The following CACNA1C variants were observed in gnomAD, a reference collection of about 807,000 sequenced individuals.
CACNA1C encodes the protein calcium voltage-gated channel subunit alpha1 C.
CACNA1C carries 30 observed loss-of-function variants against 229.0 expected under a neutral mutation model. The observed-to-expected ratio is 0.13, with a 90% CI of 0.10 to 0.18. CACNA1C has a LOEUF of 0.18. CACNA1C is among the 10% of genes least tolerant of loss of function. The probability of loss-of-function intolerance (pLI) is 1.00; values close to 1 mark genes in which losing one functional copy is unlikely to be tolerated. For synonymous variants in CACNA1C, 1,114 were observed against 1,132.5 expected (o/e 0.98, Z 0.33); for missense variants, 1,658 against 2,845.0 (o/e 0.58, Z 9.49).
chr12:2,091,478 A>C (rs1027848987), intron 1 of CACNA1C, among the ~76,000 whole-genome samples: 1 of 152,200 alleles, frequency 6.6e-6, no homozygotes. Flanking sequence ...TACCTTTTCC[A>C]GCTCTAGAGA....
At chr12:2,143,134 C>G (rs1358845310) in intron 3 of CACNA1C, among the ~76,000 whole-genome samples, 1 of 151,008 alleles carries the variant, frequency 6.6e-6, no homozygotes, top group Non-Finnish European at 1.5e-5. Context: ...TGCCACCATG[C>G]CCGGCTAAGT....
At chr12:2,306,479 T>G (rs2095035382) in intron 3 of CACNA1C, among the ~76,000 whole-genome samples, 1 of 152,230 alleles carries the variant, frequency 6.6e-6, no homozygotes, top group Admixed American at 6.5e-5. Context: ...AGTCATAAAG[T>G]TAAGTCCTTG....
At chr12:2,196,702 G>A (rs1253717695) in intron 3 of CACNA1C, among the ~76,000 whole-genome samples, 1 of 152,236 alleles carries the variant, frequency 6.6e-6, no homozygotes, top group African/African-American at 2.4e-5. Context: ...ACACTGAAGC[G>A]TAAAAGACGG....
rs769337878 is a variant in CACNA1C at position 2,581,819 on chromosome 12, G to T, written c.2103+22G>T. 4.7e-6 allele frequency: 7 copies of T among 1,484,850 alleles called. No homozygotes were observed. The Admixed American group carries it at 1.2e-4, about 25-fold the overall frequency. 92.0% of individuals were successfully genotyped at this position (1,484,850 alleles called of 1,614,324 possible). A position where few individuals can be genotyped will look rare whatever the true frequency, so the allele number is the denominator to read the frequency against. On this transcript the variant is annotated intron_variant, in intron 14 of 46. Transcript: ENST00000399655. ...TCAGGTATGGACTCTTCTCTGCTGG[G>T]ATTCGGACTCGGGGTGGTTGAGTGG... is the stretch of plus-strand genomic sequence containing the variant.
At chr12:2,001,092 A>G (rs2042102781) in intron 1 of CACNA1C, among the ~76,000 whole-genome samples, 1 of 152,156 alleles carries the variant, frequency 6.6e-6, no homozygotes, top group Non-Finnish European at 1.5e-5. Context: ...TCTTTTGATG[A>G]AAAAACGTCA....
intron 3 of CACNA1C, among the ~76,000 whole-genome samples, chr12:2,202,358 C>A (rs948346014): frequency 6.6e-6 from 1 of 152,192 alleles, no homozygotes; most frequent in Non-Finnish European, 1.5e-5. Context: ...GAAGCCTGGT[C>A]CCCGTTTGCC....
At chr12:2,206,444 T>G (rs948693186) in intron 3 of CACNA1C, among the ~76,000 whole-genome samples, 1 of 152,216 alleles carries the variant, frequency 6.6e-6, no homozygotes, top group Non-Finnish European at 1.5e-5. Context: ...CATTTGATTC[T>G]AGATTTCACC....
rs541973813 is a variant in CACNA1C at position 2,654,206 on chromosome 12, G to A, written c.4140+306G>A. Among the ~76,000 whole-genome samples, 12 of 152,288 alleles carry A rather than the reference G, an allele frequency of 7.9e-5. No individual in the cohort carries two copies. The highest frequency in any genetic ancestry group is 2.0e-4 in the Admixed American group (3 of 15,306). ...ACTCTCCAGTTATGCAAGGGGCCTCGGGACAGACACAGCCCCTTCTCAAGA... is the reference window on the plus strand; with the variant it reads ...ACTCTCCAGTTATGCAAGGGGCCTCAGGACAGACACAGCCCCTTCTCAAGA... On this transcript the variant is annotated intron_variant, in intron 33 of 46. Transcript: ENST00000399655. The surrounding 1 kb of genome is among the most constrained non-coding windows in gnomAD (Gnocchi z 4.4).
chr12:2,550,160 A>G lies in CACNA1C; in HGVS notation c.1481+127A>G, dbSNP rs552469827. The G allele has an allele frequency of 3.6e-5, 27 of 742,776 alleles. No individual in the cohort carries two copies. In the African/African-American group the frequency reaches 4.5e-4, roughly 12 times the overall value. The allele number at this position is 742,776 out of a possible 1,614,324, so 46.0% of individuals were successfully genotyped here. On this transcript the variant is annotated intron_variant, in intron 10 of 46. Transcript: ENST00000399655. ...GCAGAGATTAGAGCCGGTGGCAAGA[A>G]ACAAACCTCAGGTGGGAACCAAGAT... is the stretch of plus-strand genomic sequence containing the variant.
chr12:1,986,673 T>TTC (rs917568851), intron 1 of CACNA1C, among the ~76,000 whole-genome samples: 36 of 150,878 alleles, frequency 2.4e-4, no homozygotes, highest in African/African-American at 8.8e-4. Context: ...TGTTATTTTT[T>TTC]TTTTCCTAGC....
intron 3 of CACNA1C, among the ~76,000 whole-genome samples, chr12:2,371,292 A>G (rs1247225510): frequency 6.6e-6 from 1 of 152,186 alleles, no homozygotes; most frequent in East Asian, 1.9e-4. Flanking sequence ...GAGAGGCTTC[A>G]TCGGGCAGAA....
chr12:2,587,190 G>A (rs772283898), intron 18 of CACNA1C, among the ~76,000 whole-genome samples: 5 of 102,772 alleles, frequency 4.9e-5, no homozygotes, highest in Non-Finnish European at 6.6e-5. Context: ...GAGTTGCTTT[G>A]CTTTTAAAAT....
chr12:2,448,298 C>T (rs573441401), intron 3 of CACNA1C, among the ~76,000 whole-genome samples: 1 of 152,212 alleles, frequency 6.6e-6, no homozygotes, highest in African/African-American at 2.4e-5. Flanking sequence ...CACCCAGTGC[C>T]TGCCTCCATC....
At position 2,444,448 on chromosome 12, in the gene CACNA1C, C is replaced by A. The variant is rs577247127; in HGVS notation, c.478-4528C>A. 2.0e-5 allele frequency among the ~76,000 whole-genome samples: 3 copies of A among 152,250 alleles called. No individual in the cohort carries two copies. In the South Asian group the frequency reaches 6.2e-4, roughly 32 times the overall value. ...TGAGGTTTCTGATGGGATGCACATG[C>A]TAATGGGGGTTTGTAGTGGCTGTTC... On this transcript the variant is annotated intron_variant, in intron 3 of 46. Transcript: ENST00000399655.
At chr12:2,366,563 G>A (rs963792915) in intron 3 of CACNA1C, among the ~76,000 whole-genome samples, 1 of 152,124 alleles carries the variant, frequency 6.6e-6, no homozygotes, top group African/African-American at 2.4e-5. Flanking sequence ...GTAAATTATA[G>A]AAGTTTAATT....
At chr12:2,032,490 G>A (rs945849067) in intron 1 of CACNA1C, among the ~76,000 whole-genome samples, 35 of 152,180 alleles carry the variant, frequency 2.3e-4, no homozygotes, top group African/African-American at 8.2e-4. Context: ...GACAGTTGAT[G>A]TTTCAGAATA....
chr12:2,031,031 GT>G (rs1400407052), intron 1 of CACNA1C, among the ~76,000 whole-genome samples: 1 of 151,922 alleles, frequency 6.6e-6, no homozygotes, highest in African/African-American at 2.4e-5. Context: ...GTCTCTACAG[GT>G]TCAACTTACC....
At chr12:2,438,522 T>C (rs1246169949) in intron 3 of CACNA1C, among the ~76,000 whole-genome samples, 1 of 151,594 alleles carries the variant, frequency 6.6e-6, no homozygotes, top group South Asian at 2.1e-4. Flanking sequence ...TTCTTGGAAG[T>C]GGAGAAAGTG....
rs77655177 is a variant in CACNA1C at position 2,067,131 on chromosome 12, G to C, written c.49+13520G>C. The stretch of plus-strand genomic sequence containing the variant: ...AGTGAGACAGCTGCTGACTAGGTCT[G>C]GGGGCAAAGGGTTCTAGCTCTGTAG... On this transcript the variant is annotated intron_variant, in intron 1 of 46. Transcript: ENST00000399655. This position sits in a 1 kb window ranked among gnomAD's most constrained non-coding sequence, Gnocchi z 5.3. 8.5e-3 allele frequency among the ~76,000 whole-genome samples: 1,298 copies of C among 152,258 alleles called. 5 individuals are homozygous for C. The highest frequency in any genetic ancestry group is 0.024 in the Middle Eastern group (7 of 294).
Sources: gnomAD v4.1 joint callset for allele counts (sites outside exome capture counted in the v4.1 genomes callset) on GRCh38, gnomAD v4.1.1 for gene constraint, Gnocchi (gnomAD v3.1) non-coding constraint, MANE v1.5 for transcripts, NCBI Gene and HGNC (gene_info 2026-07-23, HGNC 2026-07-21) for gene names.